Variants in GRM8 observed in about 807,000 individuals in gnomAD.
GRM8 encodes the protein glutamate metabotropic receptor 8.
A neutral mutation model predicts 87.2 loss-of-function variants in GRM8; 47 were observed. The observed-to-expected ratio is 0.54, with a 90% CI of 0.43 to 0.69. The LOEUF is 0.69. Among genes scored for constraint, GRM8 ranks in the 30% least tolerant of loss-of-function variants. The pLI is 0.00. For missense variants in GRM8, 1,019 were observed against 1,139.2 expected (o/e 0.89, Z 1.52); for synonymous variants, 396 against 404.5 (o/e 0.98, Z 0.25).
At chr7:126,987,785 C>T (rs370192567) in intron 3 of GRM8, among the ~76,000 whole-genome samples, 267 of 152,204 alleles carry the variant, frequency 1.8e-3, no homozygotes, top group Middle Eastern at 0.017. Context: ...GTTTTATCTC[C>T]AACACATGTA....
rs181020006 is a variant in GRM8 at position 126,596,584 on chromosome 7, T to C, written c.1494+12778A>G. On this transcript the variant is annotated intron_variant, in intron 8 of 10. Coordinates refer to ENST00000339582, the MANE Select transcript of GRM8 (RefSeq NM_000845.3). ...GTCAGGCATTGGGGAGTGAGGCATA[T>C]GGGAGAGAAATCAATATGGATATAA... Among the ~76,000 whole-genome samples, 22 of 152,206 alleles carry C rather than the reference T, an allele frequency of 1.4e-4. No homozygotes were observed. In the East Asian group the frequency reaches 4.2e-3, roughly 29 times the overall value.
chr7:127,244,461 C>G (rs955554998), intron 1 of GRM8, among the ~76,000 whole-genome samples: 11 of 141,278 alleles, frequency 7.8e-5, no homozygotes, highest in South Asian at 2.2e-4. Context: ...TTTTTTCAAA[C>G]GACTTTTGAA....
intron 9 of GRM8, among the ~76,000 whole-genome samples, chr7:126,484,248 C>G (rs1807086296): frequency 6.6e-6 from 1 of 151,958 alleles, no homozygotes; most frequent in African/African-American, 2.4e-5. Context: ...AGCTGGTTAC[C>G]CCAATGATGG....
chr7:126,539,210 T>C (rs1402113618), intron 8 of GRM8, among the ~76,000 whole-genome samples: 1 of 151,820 alleles, frequency 6.6e-6, no homozygotes, highest in African/African-American at 2.4e-5. Flanking sequence ...AATAAAATAC[T>C]TAGTGATAAA....
At chr7:126,452,409 C>T (rs12537032) in intron 9 of GRM8, among the ~76,000 whole-genome samples, 6,982 of 144,070 alleles carry the variant, frequency 0.048, 212 homozygotes, top group Non-Finnish European at 0.072. Context: ...GTTGTGCACA[C>T]GTACCGTAAA....
At chr7:127,246,343 T>G (rs1798582412) in intron 1 of GRM8, among the ~76,000 whole-genome samples, 2 of 152,166 alleles carry the variant, frequency 1.3e-5, no homozygotes, top group Non-Finnish European at 2.9e-5. Context: ...ATACCTCTAT[T>G]GTATGTTTTG....
In GRM8 at chr7:127,106,630, G is replaced by C; in HGVS notation, c.593C>G (p.Pro198Arg). Residue 198 changes from proline (P) to arginine (R), a missense_variant, in exon 3 of 11, where the codon CCT becomes CGT. Coordinates refer to ENST00000339582, the MANE Select transcript of GRM8 (RefSeq NM_000845.3). ...RYDFFSRVVP[P>R]DSYQAQAMVD... ...CATGGCTTGGGCTTGGTAGGAGTCA[G>C]GCGGAACCACTCGAGAGAAAAAGTC... 2 of 1,614,014 alleles carry C rather than the reference G, an allele frequency of 1.2e-6. No individual in the cohort carries two copies. Among genetic ancestry groups the C allele is most frequent in the Non-Finnish European group, 8.5e-7 (1 of 1,179,894 alleles).
chr7:126,957,419 T>C (rs940742208), intron 3 of GRM8, among the ~76,000 whole-genome samples: 1 of 152,080 alleles, frequency 6.6e-6, no homozygotes, highest in Non-Finnish European at 1.5e-5. Context: ...GTCCCATGCT[T>C]CTGGGCGCAG....
At position 126,624,440 on chromosome 7, in the gene GRM8, C is replaced by A. The variant is rs188410875; in HGVS notation, c.1358-14942G>T. On this transcript the variant is annotated intron_variant, in intron 7 of 10. Coordinates refer to ENST00000339582, the MANE Select transcript of GRM8 (RefSeq NM_000845.3). The stretch of plus-strand genomic sequence containing the variant: ...AAATATCAAGAGAGGCTTGTCGGAT[C>A]ACCATATCTAATTTAGCCTGATTTC... Among the ~76,000 whole-genome samples, 29 of 152,312 alleles carry A rather than the reference C, an allele frequency of 1.9e-4. 2 individuals carry two copies. The East Asian group carries it at 3.7e-3, about 19-fold the overall frequency.
intron 2 of GRM8, among the ~76,000 whole-genome samples, chr7:127,230,328 A>G (rs1031772583): frequency 7.1e-4 from 108 of 152,146 alleles, no homozygotes; most frequent in African/African-American, 2.5e-3. Flanking sequence ...GTTTTGTCAT[A>G]GCAGAGAGAT....
At chr7:127,177,014 G>A (rs1169747624) in intron 2 of GRM8, among the ~76,000 whole-genome samples, 2 of 152,116 alleles carry the variant, frequency 1.3e-5, no homozygotes, top group African/African-American at 4.8e-5. Context: ...CAGAAGTCAC[G>A]GGAGGGTGCA....
chr7:127,219,638 G>A (rs922654622), intron 2 of GRM8: 13 of 152,104 alleles, frequency 8.5e-5, no homozygotes, highest in African/African-American at 3.1e-4. Context: ...GTCTCACAAT[G>A]CTGCCCAGAC....
chr7:126,863,562 T>C (rs956901009), intron 6 of GRM8, among the ~76,000 whole-genome samples: 22 of 152,244 alleles, frequency 1.4e-4, no homozygotes, highest in African/African-American at 1.9e-4. Flanking sequence ...GTCAAACCCA[T>C]AGTCTGCTCC....
chr7:127,088,206 G>A (rs1464405272), intron 3 of GRM8, among the ~76,000 whole-genome samples: 3 of 152,172 alleles, frequency 2.0e-5, no homozygotes, highest in Non-Finnish European at 4.4e-5. Flanking sequence ...TATGCAATAT[G>A]TGCTATTTTC....
At chr7:126,723,359 T>G (rs958982658) in intron 7 of GRM8, among the ~76,000 whole-genome samples, 2 of 152,128 alleles carry the variant, frequency 1.3e-5, no homozygotes, top group African/African-American at 4.8e-5. Flanking sequence ...TGGCTTCATT[T>G]GAGAAGTTAC....
chr7:126,921,238 G>A (rs1374778070), intron 3 of GRM8, among the ~76,000 whole-genome samples: 42 of 152,148 alleles, frequency 2.8e-4, no homozygotes, highest in Non-Finnish European at 1.5e-5. Context: ...AGGGCAAGAA[G>A]AAGCTCCTAG....
chr7:126,739,774 A>G (rs1187550148), intron 7 of GRM8, among the ~76,000 whole-genome samples: 1 of 152,086 alleles, frequency 6.6e-6, no homozygotes. Flanking sequence ...AACAGACTAC[A>G]TATACATAAT....
intron 7 of GRM8, among the ~76,000 whole-genome samples, chr7:126,726,077 T>TATGGAAGTAATATGGAA (rs1812936216): frequency 6.6e-6 from 1 of 152,180 alleles, no homozygotes; most frequent in Admixed American, 6.5e-5. Context: ...TTGAAGAAAA[T>TATGGAAGTAATATGGAA]GTTAAATGGA....
chr7:126,978,938 C>T (rs1811267725), intron 3 of GRM8, among the ~76,000 whole-genome samples: 1 of 152,192 alleles, frequency 6.6e-6, no homozygotes, highest in African/African-American at 2.4e-5. Context: ...TTGTCCTCTG[C>T]TATACTGGCC....
Sources: gnomAD v4.1 joint callset for allele counts (sites outside exome capture counted in the v4.1 genomes callset) on GRCh38, gnomAD v4.1.1 for gene constraint, MANE v1.5 for transcripts, NCBI Gene and HGNC (gene_info 2026-07-23, HGNC 2026-07-21) for gene names.